The following TNS3 variants were observed in gnomAD, a reference collection of about 807,000 sequenced individuals.
The protein encoded by TNS3 is tensin-3.
In TNS3, 45 loss-of-function variants were observed where a neutral mutation model predicts 140.9. The ratio of observed to expected loss-of-function variants is 0.32; its 90% CI spans 0.25 to 0.41. The LOEUF (loss-of-function observed/expected upper bound fraction) is 0.41, where lower values mean the gene tolerates loss of function less well. TNS3 is among the 10% of genes least tolerant of loss of function. The probability of loss-of-function intolerance (pLI) is 1.00; values close to 1 mark genes in which losing one functional copy is unlikely to be tolerated. For synonymous variants in TNS3, 815 were observed against 788.4 expected (o/e 1.03, Z -0.56); for missense variants, 1,716 against 1,906.7 (o/e 0.90, Z 1.86).
rs924245174 is a variant in TNS3 at position 47,356,572 on chromosome 7, C to T, written c.2282-10216G>A. Among the ~76,000 whole-genome samples the T allele has an allele frequency of 3.3e-5, 5 of 152,152 alleles. No individual in the cohort carries two copies. The East Asian group carries it at 7.7e-4, about 23-fold the overall frequency. ...TGTCCAACCTCTGTTCTAAAAGAGA[C>T]GGAATCCGCTCCCTGAGCAAATCTT... On this transcript the variant is annotated intron_variant, in intron 17 of 30. Transcript: ENST00000311160.
intron 3 of TNS3, among the ~76,000 whole-genome samples, chr7:47,504,435 T>G (rs1345311784): frequency 6.6e-6 from 1 of 152,280 alleles, no homozygotes; most frequent in Middle Eastern, 3.4e-3. Context: ...GTGGAGCCTG[T>G]AGACACAGGC....
At chr7:47,475,535 G>T (rs902659308) in intron 4 of TNS3, among the ~76,000 whole-genome samples, 1 of 2,406 alleles carries the variant, frequency 4.2e-4, no homozygotes, top group East Asian at 0.25. Context: ...CACTTCCCCG[G>T]GGGGGGGGCC....
chr7:47,326,784 C>T (rs1192645457), intron 20 of TNS3, among the ~76,000 whole-genome samples: 2 of 152,230 alleles, frequency 1.3e-5, no homozygotes, highest in Admixed American at 6.5e-5. Flanking sequence ...GGACAGGAAA[C>T]TTTTGAAAAG....
rs546503784 is a variant in TNS3 at position 47,311,845 on chromosome 7, T to C, written c.2651-6842A>G. ...AAACAAACAAAAAACCTAAGAAGGA[T>C]TAATAAAAAGAAAATTACACATAAG... On this transcript the variant is annotated intron_variant, in intron 20 of 30. Transcript: ENST00000311160. Among the ~76,000 whole-genome samples the C allele has an allele frequency of 1.1e-4, 17 of 152,132 alleles. No homozygotes were observed. In the South Asian group the frequency reaches 1.9e-3, roughly 17 times the overall value.
chr7:47,342,128 ATAT>A (rs1789054809), intron 20 of TNS3, among the ~76,000 whole-genome samples: 1 of 152,112 alleles, frequency 6.6e-6, no homozygotes, highest in Non-Finnish European at 1.5e-5. Flanking sequence ...TGGCCCATAG[ATAT>A]TATAAATAAG....
chr7:47,524,097 C>T (rs1448037645), intron 2 of TNS3, among the ~76,000 whole-genome samples: 1 of 152,228 alleles, frequency 6.6e-6, no homozygotes, highest in Non-Finnish European at 1.5e-5. Flanking sequence ...AACCAGCGCC[C>T]TCTGAGAGGC....
chr7:47,555,656 T>C (rs1338243267), intron 1 of TNS3, among the ~76,000 whole-genome samples: 1 of 152,230 alleles, frequency 6.6e-6, no homozygotes, highest in Non-Finnish European at 1.5e-5. Context: ...TCCAAAGCCA[T>C]GAACTTGTAG....
At chr7:47,411,110 A>G (rs1174142757) in intron 13 of TNS3, among the ~76,000 whole-genome samples, 2 of 152,206 alleles carry the variant, frequency 1.3e-5, no homozygotes, top group African/African-American at 4.8e-5. Flanking sequence ...AAGAATGCAA[A>G]TTATAGTCAG....
intron 1 of TNS3, among the ~76,000 whole-genome samples, chr7:47,542,649 C>T (rs775748026): frequency 6.6e-5 from 10 of 152,086 alleles, no homozygotes; most frequent in Non-Finnish European, 1.5e-4. Context: ...AAGCACTTTA[C>T]GGCCGAGCAC....
At chr7:47,504,603 TG>T (rs1205289745) in intron 3 of TNS3, among the ~76,000 whole-genome samples, 1 of 152,202 alleles carries the variant, frequency 6.6e-6, no homozygotes, top group Non-Finnish European at 1.5e-5. Flanking sequence ...AGGAGCCCAC[TG>T]GGCAATATAT....
At chr7:47,434,129 C>T (rs1483748264) in intron 8 of TNS3, among the ~76,000 whole-genome samples, 1 of 152,068 alleles carries the variant, frequency 6.6e-6, no homozygotes, top group East Asian at 1.9e-4. Context: ...GTTTTCTGCA[C>T]ATCAAGTGGT....
intron 20 of TNS3, among the ~76,000 whole-genome samples, chr7:47,309,440 G>T (rs1033131395): frequency 6.6e-6 from 1 of 152,090 alleles, no homozygotes; most frequent in African/African-American, 2.4e-5. Context: ...AAACATAACT[G>T]TGGAATAATA....
At chr7:47,392,295 C>T (rs931925282) in intron 16 of TNS3, among the ~76,000 whole-genome samples, 2 of 152,138 alleles carry the variant, frequency 1.3e-5, no homozygotes, top group African/African-American at 4.8e-5. Flanking sequence ...CACATTGGAA[C>T]GGATTCAAGG....
intron 17 of TNS3, among the ~76,000 whole-genome samples, chr7:47,351,595 G>T (rs1789675774): frequency 6.6e-6 from 1 of 152,168 alleles, no homozygotes; most frequent in Non-Finnish European, 1.5e-5. Flanking sequence ...ACAGAATCCA[G>T]TCAAGGCTCC....
intron 20 of TNS3, among the ~76,000 whole-genome samples, chr7:47,341,361 T>C (rs1562612287): frequency 6.6e-6 from 1 of 152,228 alleles, no homozygotes; most frequent in Admixed American, 6.5e-5. Context: ...CAGTGAAACC[T>C]GAAGATTTCT....
At chr7:47,314,248 G>A (rs1417090059) in intron 20 of TNS3, among the ~76,000 whole-genome samples, 1 of 152,216 alleles carries the variant, frequency 6.6e-6, no homozygotes. Context: ...GCTGACAGCA[G>A]CTACACTTTA....
intron 1 of TNS3, among the ~76,000 whole-genome samples, chr7:47,556,658 T>C (rs2151991625): frequency 6.6e-6 from 1 of 152,226 alleles, no homozygotes; most frequent in African/African-American, 2.4e-5. Context: ...TACATCTGAG[T>C]CACACTCTGG....
At chr7:47,287,106 A>T (rs553664814) in intron 27 of TNS3, among the ~76,000 whole-genome samples, 176 of 56,538 alleles carry the variant, frequency 3.1e-3, no homozygotes, top group African/African-American at 8.3e-3. Flanking sequence ...AAGACTCTAT[A>T]AAAAAAAAAA....
At chr7:47,578,859 C>T (rs1032391520) in intron 1 of TNS3, among the ~76,000 whole-genome samples, 33 of 152,204 alleles carry the variant, frequency 2.2e-4, no homozygotes, top group Admixed American at 3.9e-4. Flanking sequence ...CGGCAGGACA[C>T]GGGCCTGCAT....
Sources: allele counts gnomAD v4.1 joint callset (sites outside exome capture counted in the v4.1 genomes callset), GRCh38; gene constraint gnomAD v4.1.1; transcripts MANE v1.5; gene names NCBI Gene and HGNC (gene_info 2026-07-23, HGNC 2026-07-21).